Variants in CCL24 observed in about 807,000 individuals in gnomAD.
The protein encoded by CCL24 is C-C motif chemokine 24.
Under a neutral mutation model 8.6 loss-of-function variants are expected in CCL24, and 6 were observed. That is an observed-to-expected ratio of 0.70 (90% CI 0.38 to 1.38). The LOEUF is 1.38. Ranked by LOEUF, CCL24 falls within the 40% of genes most tolerant of loss-of-function variation. CCL24 has a pLI of 0.02. For missense variants in CCL24, 126 were observed against 147.1 expected, an observed-to-expected ratio of 0.86 and a Z score of 0.74; for synonymous variants, 59 against 52.7, an observed-to-expected ratio of 1.12 and a Z score of -0.52.
upstream of CCL24, among the ~76,000 whole-genome samples, chr7:75,816,472 G>A (rs1803892875): frequency 6.6e-6 from 1 of 152,148 alleles, no homozygotes; most frequent in Admixed American, 6.6e-5. Context: ...ATCCTCTGCT[G>A]GCAGAGCAAT....
chr7:75,820,109 T>TC (rs1221432695), intron 1 of CCL24, among the ~76,000 whole-genome samples: 11 of 81,694 alleles, frequency 1.3e-4, no homozygotes, highest in African/African-American at 2.0e-4. Flanking sequence ...TCTTCTTCCT[T>TC]CTTCTTCTTC....
chr7:75,811,996 G>C, intron 2 of CCL24, 32 bp from the exon 3 acceptor site: 1 of 1,598,676 alleles, frequency 6.3e-7, no homozygotes, highest in Non-Finnish European at 8.5e-7. Context: ...GATCAGCTGA[G>C]GTCGACAGGG....
intron 2 of CCL24, among the ~76,000 whole-genome samples, chr7:75,812,885 G>T (rs11465299): frequency 0.071 from 10,770 of 151,656 alleles, 443 homozygotes; most frequent in South Asian, 0.13. Context: ...AGCCAAGATC[G>T]TACCACTGCA....
At chr7:75,814,977 G>A (rs1458182066), upstream of CCL24, among the ~76,000 whole-genome samples, 2 of 152,006 alleles carry the variant, frequency 1.3e-5, no homozygotes, top group South Asian at 4.1e-4. Flanking sequence ...TCCCTGCCAA[G>A]GGTCTGCTTT....
At chr7:75,820,098 T>TTCTTTC (rs1804006226) in intron 1 of CCL24, among the ~76,000 whole-genome samples, 1 of 118,534 alleles carries the variant, frequency 8.4e-6, no homozygotes, top group African/African-American at 2.9e-5. Flanking sequence ...CCTCTTCTTC[T>TTCTTTC]TCTTCTTCCT....
At chr7:75,820,111 T>C (rs1368847139) in intron 1 of CCL24, among the ~76,000 whole-genome samples, 5 of 127,468 alleles carry the variant, frequency 3.9e-5, no homozygotes, top group East Asian at 4.7e-4. Context: ...TTCTTCCTTC[T>C]TCTTCTTCTT....
chr7:75,817,506 A>C (rs1212933982), upstream of CCL24, among the ~76,000 whole-genome samples: 2 of 143,614 alleles, frequency 1.4e-5, no homozygotes, highest in Non-Finnish European at 3.0e-5. Context: ...AAAATATCCA[A>C]TTTTTTTTTT....
chr7:75,813,768 A>G lies in CCL24; in HGVS notation c.-53T>C. On this transcript the variant is annotated 5_prime_UTR_variant, in exon 1 of 3. Transcript: ENST00000222902. ...GGGCTCAAAGCTGACGTGCAGGAGGAAAGGACCTAGGGATAAATAGCTCGG... is the reference window on the plus strand; with the variant it reads ...GGGCTCAAAGCTGACGTGCAGGAGGGAAGGACCTAGGGATAAATAGCTCGG... The G allele has an allele frequency of 6.8e-7, 1 of 1,466,820 alleles. No individual in the cohort carries two copies. Among genetic ancestry groups the G allele is most frequent in the Non-Finnish European group, 9.6e-7 (1 of 1,046,624 alleles). 90.9% of individuals were successfully genotyped at this position (1,466,820 alleles called of 1,614,324 possible). A position where few individuals can be genotyped will look rare whatever the true frequency, so the allele number is the denominator to read the frequency against.
At chr7:75,822,554 CTGGGCA>C (rs782744447) in intron 1 of CCL24, among the ~76,000 whole-genome samples, 1 of 152,192 alleles carries the variant, frequency 6.6e-6, no homozygotes, top group Non-Finnish European at 1.5e-5. Context: ...GAGGTTCAGG[CTGGGCA>C]TGGTGACTCA....
Position 75,813,631 on chromosome 7 carries a change from C to T in CCL24, c.73+12G>A, listed in dbSNP as rs375638264. 2.4e-5 allele frequency: 38 copies of T among 1,609,546 alleles called. No homozygotes were observed. Among genetic ancestry groups the T allele is most frequent in the South Asian group, 2.0e-4 (18 of 90,934 alleles). Reference sequence around the variant, plus strand: ...CCATGCCCTTGGAACTGCATCCTGTCGGAGGTCTTACCCGTAGGGATGATG... The same window carrying T: ...CCATGCCCTTGGAACTGCATCCTGTTGGAGGTCTTACCCGTAGGGATGATG... On this transcript the variant is annotated intron_variant, in intron 1 of 2. Coordinates refer to ENST00000222902, the MANE Select transcript of CCL24 (RefSeq NM_002991.3).
intron 1 of CCL24, among the ~76,000 whole-genome samples, chr7:75,823,067 G>T (rs1010386634): frequency 6.6e-6 from 1 of 152,140 alleles, no homozygotes; most frequent in African/African-American, 2.4e-5. Flanking sequence ...CACCAGCTTT[G>T]CACAGCCTCC....
intron 1 of CCL24, 35 bp downstream of exon 1, chr7:75,813,608 A>T: frequency 6.3e-7 from 1 of 1,576,570 alleles, no homozygotes; most frequent in Non-Finnish European, 8.7e-7. Context: ...CATCCCAGCC[A>T]TGCCCTTGGA....
intron 1 of CCL24, among the ~76,000 whole-genome samples, chr7:75,820,912 T>C (rs62477642): frequency 6.9e-6 from 1 of 144,132 alleles, no homozygotes; most frequent in Non-Finnish European, 1.5e-5. Flanking sequence ...TCCATCCATC[T>C]ATCCATCAAT....
intron 1 of CCL24, 67 bp from the exon 2 acceptor site, chr7:75,813,490 T>G: frequency 2.2e-6 from 3 of 1,335,122 alleles, no homozygotes; most frequent in South Asian, 1.2e-5. Flanking sequence ...GCCTCAGAGC[T>G]GGAGCTTGAA....
At chr7:75,822,673 A>C (rs1804074526) in intron 1 of CCL24, among the ~76,000 whole-genome samples, 1 of 152,094 alleles carries the variant, frequency 6.6e-6, no homozygotes, top group African/African-American at 2.4e-5. Flanking sequence ...TACTAAAAAT[A>C]CAAAATTTAG....
chr7:75,813,610 G>A (rs200638877), intron 1 of CCL24, 33 bp downstream of exon 1: 2 of 1,578,872 alleles, frequency 1.3e-6, no homozygotes, highest in East Asian at 2.2e-5. Context: ...TCCCAGCCAT[G>A]CCCTTGGAAC....
upstream of CCL24, among the ~76,000 whole-genome samples, chr7:75,818,074 G>A (rs782504076): frequency 2.0e-4 from 28 of 141,508 alleles, no homozygotes; most frequent in Middle Eastern, 4.5e-3. Context: ...CAAGTGATTC[G>A]CCCACCTCGG....
rs868982885 is a variant in CCL24 at position 75,811,895 on chromosome 7, C to A, written c.261G>T (p.Lys87Asn). ...CCTTCTTCTGCTTGGCGTCCAGGTT[C>A]TTCATGTACCTCTGGACCCACTCCT... ...PKQEWVQRYM[K>N]NLDAKQKKAS... The change falls in exon 3 of 3, where the codon AAG becomes AAT. Residue 87 changes from lysine (K) to asparagine (N), a missense_variant. By Grantham distance (94) the Lys-to-Asn change is moderately conservative. Coordinates refer to ENST00000222902, the MANE Select transcript of CCL24 (RefSeq NM_002991.3). The A allele has an allele frequency of 6.2e-7, 1 of 1,611,186 alleles. No homozygotes were observed. Among genetic ancestry groups the A allele is most frequent in the Non-Finnish European group, 8.5e-7 (1 of 1,179,650 alleles).
At chr7:75,813,200 T>C in intron 2 of CCL24, 106 bp downstream of exon 2, 1 of 663,826 alleles carries the variant, frequency 1.5e-6, no homozygotes, top group South Asian at 1.7e-5. Flanking sequence ...AGGTGACTTC[T>C]CCAGGGATGC....
Sources: gnomAD v4.1 joint callset for allele counts (sites outside exome capture counted in the v4.1 genomes callset) on GRCh38, gnomAD v4.1.1 for gene constraint, MANE v1.5 for transcripts, NCBI Gene and HGNC (gene_info 2026-07-23, HGNC 2026-07-21) for gene names.